The following HAGH variants were observed in gnomAD, a reference collection of about 807,000 sequenced individuals.
The protein encoded by HAGH is hydroxyacylglutathione hydrolase, mitochondrial.
A neutral mutation model predicts 35.1 loss-of-function variants in HAGH; 29 were observed. That is an observed-to-expected ratio of 0.83 (90% CI 0.62 to 1.13). The LOEUF (loss-of-function observed/expected upper bound fraction) is 1.13. Ranked by LOEUF, HAGH falls within the 50% of genes most tolerant of loss-of-function variation. HAGH has a pLI of 0.00. For synonymous variants in HAGH, 225 were observed against 176.1 expected (o/e 1.28, Z -2.20); for missense variants, 478 against 419.6 (o/e 1.14, Z -1.22).
In HAGH at chr16:1,826,773, T is replaced by G; in HGVS notation, c.15A>C (p.Arg5=). The G allele has an allele frequency of 8.3e-7, 1 of 1,209,154 alleles. No homozygotes were observed. The highest frequency in any genetic ancestry group is 1.0e-6 in the Non-Finnish European group (1 of 973,274). The allele number at this position is 1,209,154 out of a possible 1,614,324, so 74.9% of individuals were successfully genotyped here. Residue 5 remains arginine (R), a synonymous_variant, in exon 1 of 9, where the codon CGA becomes CGC. Coordinates refer to ENST00000397356, the MANE Select transcript of HAGH (RefSeq NM_005326.6). ...CGAGGCTGCGGCGGCCGAGCAGCCCTCGGCCCACCACCATGACCCGGGCCG... is the reference window on the plus strand; with the variant it reads ...CGAGGCTGCGGCGGCCGAGCAGCCCGCGGCCCACCACCATGACCCGGGCCG... The part of the protein sequence containing the change: MVVG[R]GLLGRRSLAA...
rs1242044769 is a variant in HAGH, at chr16:1,817,250, C to A, written c.563G>T (p.Gly188Val). The A allele has an allele frequency of 6.2e-7, 1 of 1,612,700 alleles. No homozygotes were observed. Among genetic ancestry groups the A allele is most frequent in the East Asian group, 2.2e-5 (1 of 44,862 alleles). ...VFTGDTLFVA[G>V]CGKFYEGTAD... ...AGTCCCTTCATAGAACTTCCCGCAG[C>A]CAGCCACAAACAAGGTGTCACCTGG... The change falls in exon 6 of 9, where the codon GGC (glycine) becomes GTC (valine). Residue 188 changes from glycine (G) to valine (V), a missense_variant. Gly to Val is a moderately radical substitution (Grantham distance 109). Coordinates refer to ENST00000397356, the MANE Select transcript of HAGH (RefSeq NM_005326.6).
rs866409307 is a variant in HAGH, at chr16:1,808,136, G to T, written c.*1147C>A. 1.3e-5 allele frequency: 2 copies of T among 152,124 alleles called. No homozygotes were observed. Among genetic ancestry groups the T allele is most frequent in the Non-Finnish European group, 2.9e-5 (2 of 68,024 alleles). The allele number at this position is 152,124 out of a possible 1,614,324, so 9.4% of individuals were successfully genotyped here. A position where few individuals can be genotyped will look rare whatever the true frequency, so the allele number is the denominator to read the frequency against. On this transcript the variant is annotated 3_prime_UTR_variant, in exon 9 of 9. Coordinates refer to ENST00000397356, the MANE Select transcript of HAGH (RefSeq NM_005326.6). ...GATTAATTAATTTCTTTGAGACAGG[G>T]TCTCCCTGTTCCCCAAGCCAGAATG... is the stretch of plus-strand genomic sequence containing the variant.
intron 1 of HAGH, among the ~76,000 whole-genome samples, chr16:1,823,406 T>C (rs1452147355): frequency 6.6e-6 from 1 of 151,896 alleles, no homozygotes; most frequent in African/African-American, 2.4e-5. Context: ...TAGCTGGGAC[T>C]ACAGACGCCC....
intron 7 of HAGH, among the ~76,000 whole-genome samples, chr16:1,813,183 G>C (rs984527078): frequency 6.6e-6 from 1 of 152,172 alleles, no homozygotes; most frequent in Non-Finnish European, 1.5e-5. Context: ...GCGAGTTTTT[G>C]CTGTTAGTTC....
intron 7 of HAGH, 32 bp downstream of exon 7, chr16:1,816,861 G>A: frequency 7.2e-7 from 1 of 1,386,108 alleles, no homozygotes; most frequent in Non-Finnish European, 1.0e-6. Context: ...GCAGCCCACA[G>A]GAAGGCACTG....
chr16:1,814,715 C>T (rs7191714), intron 7 of HAGH, among the ~76,000 whole-genome samples: 5 of 151,556 alleles, frequency 3.3e-5, no homozygotes, highest in East Asian at 2.0e-4. Context: ...CTGGATAACA[C>T]GGTGAAACCC....
Position 1,817,167 on chromosome 16 carries a change from C to T in HAGH, c.645+1G>A. On this transcript the variant is annotated splice_donor_variant, in intron 6 of 8. Coordinates refer to ENST00000397356, the MANE Select transcript of HAGH (RefSeq NM_005326.6). LOFTEE classifies it high-confidence loss of function. ...CCGGCCCGCAGGGAGGCGCTGCCTACTGTGTCCGGGGGGAGCCGGCCCAAG... is the reference window on the plus strand; with the variant it reads ...CCGGCCCGCAGGGAGGCGCTGCCTATTGTGTCCGGGGGGAGCCGGCCCAAG... 3 of 1,596,354 alleles carry T rather than the reference C, an allele frequency of 1.9e-6. No individual in the cohort carries two copies. The highest frequency in any genetic ancestry group is 1.1e-5 in the South Asian group (1 of 90,730).
chr16:1,815,575 G>A (rs1230542810), intron 7 of HAGH, among the ~76,000 whole-genome samples: 1 of 152,214 alleles, frequency 6.6e-6, no homozygotes, highest in Non-Finnish European at 1.5e-5. Context: ...GTGACCTGAG[G>A]TCACAGCAGA....
chr16:1,811,806 A>G (rs773150590), intron 7 of HAGH, among the ~76,000 whole-genome samples: 6 of 152,228 alleles, frequency 3.9e-5, no homozygotes, highest in Non-Finnish European at 7.3e-5. Flanking sequence ...CAGGGTGCAA[A>G]AGGAGTTGAA....
chr16:1,818,946 C>T (rs1246723592), intron 5 of HAGH, 169 bp downstream of exon 5: 2 of 601,338 alleles, frequency 3.3e-6, no homozygotes, highest in Non-Finnish European at 6.0e-6. Flanking sequence ...CCAAACCCAT[C>T]ATGGGAGGAA....
At chr16:1,819,256 A>T in intron 4 of HAGH, 33 bp from the exon 5 acceptor site, 1 of 1,406,714 alleles carries the variant, frequency 7.1e-7, no homozygotes, top group Non-Finnish European at 1.0e-6. Context: ...GTGTGCTCCC[A>T]GACACCCTGG....
At position 1,808,029 on chromosome 16, in the gene HAGH, G is replaced by C. The variant is rs772324739; in HGVS notation, c.*1254C>G. ...AGCTCACTGACAGAGCAGTCAGTCA[G>C]TCAGTGAATAGGTCAAATGTTTCAG... On this transcript the variant is annotated 3_prime_UTR_variant, in exon 9 of 9. Transcript: ENST00000397356. 1 of 152,312 alleles carries C rather than the reference G, an allele frequency of 6.6e-6. No individual in the cohort carries two copies. The highest frequency in any genetic ancestry group is 1.5e-5 in the Non-Finnish European group (1 of 68,112). 9.4% of individuals were successfully genotyped at this position (152,312 alleles called of 1,614,324 possible). A position where few individuals can be genotyped will look rare whatever the true frequency, so the allele number is the denominator to read the frequency against.
chr16:1,825,066 C>T (rs1365571144), intron 1 of HAGH, among the ~76,000 whole-genome samples: 1 of 152,226 alleles, frequency 6.6e-6, no homozygotes, highest in East Asian at 1.9e-4. Flanking sequence ...CGCCTGTCAT[C>T]CCAGCACTTT....
chr16:1,808,018 G>C lies in HAGH; in HGVS notation c.*1265C>G, dbSNP rs1897478958. ...CCTCCCCTCACAGCTCACTGACAGAGCAGTCAGTCAGTCAGTGAATAGGTC... is the reference window on the plus strand; with the variant it reads ...CCTCCCCTCACAGCTCACTGACAGACCAGTCAGTCAGTCAGTGAATAGGTC... On this transcript the variant is annotated 3_prime_UTR_variant, in exon 9 of 9. Coordinates refer to ENST00000397356, the MANE Select transcript of HAGH (RefSeq NM_005326.6). 6.6e-6 allele frequency: 1 copy of C among 152,306 alleles called. No homozygotes were observed. Among genetic ancestry groups the C allele is most frequent in the Admixed American group, 6.5e-5 (1 of 15,292 alleles). 9.4% of individuals were successfully genotyped at this position (152,306 alleles called of 1,614,324 possible).
chr16:1,811,517 G>A (rs188165616), intron 7 of HAGH, among the ~76,000 whole-genome samples: 6 of 151,408 alleles, frequency 4.0e-5, no homozygotes, highest in East Asian at 2.0e-4. Flanking sequence ...GTTTGAGACC[G>A]GCCTGGCCAA....
At chr16:1,818,909 A>T in intron 5 of HAGH, 2 of 572,094 alleles carry the variant, frequency 3.5e-6, no homozygotes, top group Non-Finnish European at 6.3e-6. Context: ...CCCTTGCTGC[A>T]AGCGTAACTT....
intron 3 of HAGH, chr16:1,821,818 G>C (rs1257100204): frequency 6.5e-6 from 1 of 152,760 alleles, no homozygotes; most frequent in African/African-American, 2.4e-5. Context: ...ATTTTCGGTA[G>C]AGACTGGGTT....
intron 8 of HAGH, 159 bp downstream of exon 8, chr16:1,809,595 A>AC (rs1169388404): frequency 2.3e-5 from 16 of 699,920 alleles, no homozygotes; most frequent in Non-Finnish European, 3.2e-5. Context: ...GAAAGGCCGG[A>AC]CCCCCCTCAA....
chr16:1,817,526 C>G (rs1353121376), intron 5 of HAGH, among the ~76,000 whole-genome samples: 5 of 150,186 alleles, frequency 3.3e-5, no homozygotes, highest in Non-Finnish European at 7.4e-5. Context: ...TCACTGCCCC[C>G]AATCCCACCA....
Sources: gnomAD v4.1 joint callset for allele counts (sites outside exome capture counted in the v4.1 genomes callset) on GRCh38, gnomAD v4.1.1 for gene constraint, MANE v1.5 for transcripts, NCBI Gene and HGNC (gene_info 2026-07-23, HGNC 2026-07-21) for gene names.